Variants in DHX34 observed in about 807,000 individuals in gnomAD.
DHX34 encodes the protein DExH-box helicase 34, also known as probable ATP-dependent RNA helicase DHX34.
In DHX34, 96 loss-of-function variants were observed where a neutral mutation model predicts 111.1. The observed-to-expected ratio is 0.86, with a 90% CI of 0.73 to 1.02. DHX34 has a LOEUF of 1.02. DHX34 is among the 50% of genes least tolerant of loss of function. The pLI is 0.00. For missense variants in DHX34, 1,560 were observed against 1,579.9 expected, an observed-to-expected ratio of 0.99 and a Z score of 0.21; for synonymous variants, 688 against 670.4, an observed-to-expected ratio of 1.03 and a Z score of -0.41.
intron 13 of DHX34, 38 bp downstream of exon 13, chr19:47,377,244 T>C (rs369090857): frequency 1.3e-6 from 2 of 1,587,948 alleles, no homozygotes; most frequent in Non-Finnish European, 1.7e-6. Flanking sequence ...TGCCCAGATA[T>C]GAGAGCTGCG....
chr19:47,362,661 C>G lies in DHX34; in HGVS notation c.1561C>G (p.Arg521Gly), dbSNP rs376266243. Residue 521 changes from arginine (R) to glycine (G), a missense_variant, in exon 6 of 17, where the codon CGG (arginine) becomes GGG (glycine). By Grantham distance (125) the Arg-to-Gly change is moderately radical (BLOSUM62 -2). Coordinates refer to ENST00000328771, the MANE Select transcript of DHX34 (RefSeq NM_014681.6). Reference protein sequence around the residue: ...AFAPYPVPEIRRVALDSLVLQ... With the variant: ...AFAPYPVPEIGRVALDSLVLQ... ...CGCCCCCTACCCCGTCCCAGAAATTCGGAGGGTGGCCCTGGACTCGTTGGT... is the reference window on the plus strand; with the variant it reads ...CGCCCCCTACCCCGTCCCAGAAATTGGGAGGGTGGCCCTGGACTCGTTGGT... 24 of 1,613,132 alleles carry G rather than the reference C, an allele frequency of 1.5e-5. No homozygotes were observed. Among genetic ancestry groups the G allele is most frequent in the Non-Finnish European group, 2.0e-5 (24 of 1,179,862 alleles).
intron 14 of DHX34, 178 bp from the exon 15 acceptor site, chr19:47,380,638 G>C (rs1278599051): frequency 2.4e-5 from 24 of 985,146 alleles, no homozygotes; most frequent in Non-Finnish European, 2.9e-5. Context: ...GGGTTATCAG[G>C]TATATTCTAG....
At chr19:47,373,787 C>T in intron 9 of DHX34, 87 bp downstream of exon 9, 2 of 1,496,882 alleles carry the variant, frequency 1.3e-6, no homozygotes, top group African/African-American at 2.8e-5. Flanking sequence ...CCTTCCCAGA[C>T]AGTGGTCAGA....
intron 5 of DHX34, 65 bp downstream of exon 5, chr19:47,360,135 G>A: frequency 2.0e-6 from 3 of 1,506,310 alleles, no homozygotes; most frequent in Non-Finnish European, 2.8e-6. Context: ...GTCCGGAGGT[G>A]TGCGTGTGTG....
Position 47,362,684 on chromosome 19 carries a change from G to C in DHX34, c.1584G>C (p.Leu528Phe), listed in dbSNP as rs1599760342. Residue 528 changes from leucine to phenylalanine, a missense_variant, in exon 6 of 17, where the codon TTG becomes TTC. By Grantham distance (22) the Leu-to-Phe change is conservative (BLOSUM62 0). Coordinates refer to ENST00000328771, the MANE Select transcript of DHX34 (RefSeq NM_014681.6). ...PEIRRVALDS[L>F]VLQMKSMSVG... ...TTCGGAGGGTGGCCCTGGACTCGTTGGTGCTGCAGGTGAGGCATGGGCAGA... is the reference window on the plus strand; with the variant it reads ...TTCGGAGGGTGGCCCTGGACTCGTTCGTGCTGCAGGTGAGGCATGGGCAGA... 8 of 1,611,260 alleles carry C rather than the reference G, an allele frequency of 5.0e-6. No individual in the cohort carries two copies. Among genetic ancestry groups the C allele is most frequent in the South Asian group, 1.1e-5 (1 of 90,862 alleles).
At chr19:47,351,852 C>G (rs1969297677) in intron 1 of DHX34, among the ~76,000 whole-genome samples, 1 of 152,106 alleles carries the variant, frequency 6.6e-6, no homozygotes, top group Non-Finnish European at 1.5e-5. Context: ...CTTAAAGGCC[C>G]TCAGAACCAT....
At chr19:47,372,321 T>C (rs1020120817) in intron 7 of DHX34, among the ~76,000 whole-genome samples, 11 of 151,946 alleles carry the variant, frequency 7.2e-5, no homozygotes, top group Non-Finnish European at 1.5e-4. Flanking sequence ...GGTGACACTC[T>C]AGCGCGGAGG....
In DHX34 at chr19:47,353,250, A is replaced by G; in HGVS notation, c.220A>G (p.Lys74Glu). 6.2e-7 allele frequency: 1 copy of G among 1,614,182 alleles called. No homozygotes were observed. The highest frequency in any genetic ancestry group is 1.7e-5 in the Admixed American group (1 of 60,014). ...FERLQRFQNL[K>E]TSRKEEKDPG... is the part of the protein sequence containing the mutation. ...ACGCCTGCAGAGATTCCAGAATCTC[A>G]AGACCTCCAGGAAGGAGGAGAAAGA... The change falls in exon 2 of 17, where the codon AAG becomes GAG. Residue 74 changes from lysine (K) to glutamate (E), a missense_variant. Coordinates refer to ENST00000328771, the MANE Select transcript of DHX34 (RefSeq NM_014681.6). This position sits in a 1 kb window ranked among gnomAD's most constrained non-coding sequence, Gnocchi z 4.6.
rs779958046 is a variant in DHX34, at chr19:47,373,708, T to C, written c.2064+8T>C. On this transcript the variant is annotated splice_region_variant and intron_variant, in intron 9 of 16. Coordinates refer to ENST00000328771, the MANE Select transcript of DHX34 (RefSeq NM_014681.6). The stretch of plus-strand genomic sequence containing the variant: ...CTTCGGCGCCAGTTCAAGGTGAGGC[T>C]CGGGAGGAGGGGTAAGGCCGGCCCC... 6.2e-6 allele frequency: 10 copies of C among 1,612,408 alleles called. No homozygotes were observed. In the South Asian group the frequency reaches 1.1e-4, roughly 18 times the overall value.
Position 47,360,562 on chromosome 19 carries a change from C to T in DHX34, c.1375+492C>T, listed in dbSNP as rs896463211. Reference sequence around the variant, plus strand: ...GACGCCCTCACCTCATTTCAGGGCCCGCATAAATGTCCACCCGTCAGAGAG... The same window carrying T: ...GACGCCCTCACCTCATTTCAGGGCCTGCATAAATGTCCACCCGTCAGAGAG... On this transcript the variant is annotated intron_variant, in intron 5 of 16. Transcript: ENST00000328771. Among the ~76,000 whole-genome samples, 10 of 152,210 alleles carry T rather than the reference C, an allele frequency of 6.6e-5. No homozygotes were observed. In the South Asian group the frequency reaches 1.2e-3, roughly 19 times the overall value.
At chr19:47,379,333 T>C (rs1035093062) in intron 13 of DHX34, among the ~76,000 whole-genome samples, 1 of 143,314 alleles carries the variant, frequency 7.0e-6, no homozygotes, top group Non-Finnish European at 1.6e-5. Context: ...GCCACAGCAC[T>C]GGTAATTACA....
intron 6 of DHX34, among the ~76,000 whole-genome samples, chr19:47,363,996 A>G (rs1298024939): frequency 6.6e-6 from 1 of 152,162 alleles, no homozygotes; most frequent in African/African-American, 2.4e-5. Flanking sequence ...TTAGACTGCC[A>G]TGACAAATAC....
intron 9 of DHX34, 46 bp downstream of exon 9, chr19:47,373,746 G>A (rs1488095779): frequency 8.8e-6 from 14 of 1,591,150 alleles, no homozygotes; most frequent in East Asian, 4.6e-5. Flanking sequence ...TCAGGCAGAC[G>A]TGTGTAAGCA....
In DHX34 at chr19:47,353,793, G is replaced by C; in HGVS notation, c.705+58G>C. On this transcript the variant is annotated intron_variant, in intron 2 of 16. Transcript: ENST00000328771. The surrounding 1 kb of genome is among the most constrained non-coding windows in gnomAD (Gnocchi z 4.6). ...CAGCGTGACCTTGGGGGAATAGGTTGCTTGTCCATATGGCAGTATCAATAA... is the reference window on the plus strand; with the variant it reads ...CAGCGTGACCTTGGGGGAATAGGTTCCTTGTCCATATGGCAGTATCAATAA... The C allele has an allele frequency of 2.1e-6, 3 of 1,432,266 alleles. No homozygotes were observed. In the East Asian group the frequency reaches 7.4e-5, roughly 35 times the overall value. 88.7% of individuals were successfully genotyped at this position (1,432,266 alleles called of 1,614,324 possible).
At chr19:47,373,542 C>G in intron 8 of DHX34, 57 bp from the exon 9 acceptor site, 5 of 1,576,990 alleles carry the variant, frequency 3.2e-6, no homozygotes, top group Non-Finnish European at 4.3e-6. Flanking sequence ...CTCGGTCAGC[C>G]CCTCCCTCCC....
chr19:47,358,149 C>CG (rs760433298), intron 4 of DHX34, 29 bp downstream of exon 4: 8 of 1,592,786 alleles, frequency 5.0e-6, no homozygotes, highest in Non-Finnish European at 6.0e-6. Flanking sequence ...GTGGGGCAGG[C>CG]GGGGGGTCTG....
intron 1 of DHX34, among the ~76,000 whole-genome samples, chr19:47,349,783 A>G (rs1017650200): frequency 2.0e-5 from 3 of 152,154 alleles, no homozygotes; most frequent in Non-Finnish European, 4.4e-5. Context: ...AGAAACAGAA[A>G]AAATGGAATT....
chr19:47,361,818 T>C (rs1332385599), intron 5 of DHX34, among the ~76,000 whole-genome samples: 1 of 152,128 alleles, frequency 6.6e-6, no homozygotes, highest in Non-Finnish European at 1.5e-5. Context: ...GTTCTGACAC[T>C]GGAGGAAATA....
intron 13 of DHX34, among the ~76,000 whole-genome samples, chr19:47,378,799 T>G (rs1032592218): frequency 1.3e-5 from 2 of 149,794 alleles, no homozygotes; most frequent in Non-Finnish European, 3.0e-5. Context: ...TTGTTGACAC[T>G]GCACTCCAGC....
Sources: allele counts gnomAD v4.1 joint callset (sites outside exome capture counted in the v4.1 genomes callset), GRCh38; gene constraint gnomAD v4.1.1; non-coding constraint Gnocchi (gnomAD v3.1); transcripts MANE v1.5; gene names NCBI Gene and HGNC (gene_info 2026-07-23, HGNC 2026-07-21).